The following GPC6 variants were observed in gnomAD, a reference collection of about 807,000 sequenced individuals.
GPC6 encodes glypican-6.
Under a neutral mutation model 55.2 loss-of-function variants are expected in GPC6, and 14 were observed. The observed-to-expected ratio is 0.25, with a 90% CI of 0.17 to 0.40. GPC6 has a LOEUF of 0.40. GPC6 is among the 10% of genes least tolerant of loss of function. GPC6 has a pLI of 1.00. For missense variants in GPC6, 641 were observed against 708.5 expected, an observed-to-expected ratio of 0.90 and a Z score of 1.08; for synonymous variants, 278 against 259.6, an observed-to-expected ratio of 1.07 and a Z score of -0.68.
chr13:93,903,260 C>A (rs1005621019), intron 3 of GPC6, among the ~76,000 whole-genome samples: 2 of 152,224 alleles, frequency 1.3e-5, no homozygotes, highest in African/African-American at 2.4e-5. Flanking sequence ...TTTGACTGTT[C>A]TTTTTCAACG....
At chr13:94,114,565 A>T (rs1886366730) in intron 4 of GPC6, among the ~76,000 whole-genome samples, 1 of 152,134 alleles carries the variant, frequency 6.6e-6, no homozygotes, top group African/African-American at 2.4e-5. Context: ...ACAGAATTTT[A>T]TCTTGTAGGA....
intron 3 of GPC6, among the ~76,000 whole-genome samples, chr13:93,901,362 A>G (rs1352470860): frequency 6.6e-6 from 1 of 151,090 alleles, no homozygotes; most frequent in African/African-American, 2.5e-5. Flanking sequence ...TTTTATTCTT[A>G]TGGCCACACC....
chr13:93,647,860 G>A (rs1880238886), intron 2 of GPC6, among the ~76,000 whole-genome samples: 1 of 152,108 alleles, frequency 6.6e-6, no homozygotes. Context: ...GAGAGACCAT[G>A]TCATGAGTGA....
chr13:94,005,622 A>G (rs1594659971), intron 3 of GPC6, among the ~76,000 whole-genome samples: 1 of 152,226 alleles, frequency 6.6e-6, no homozygotes, highest in Admixed American at 6.5e-5. Flanking sequence ...CAACAAGCCA[A>G]TTTAGTTCCT....
intron 1 of GPC6, among the ~76,000 whole-genome samples, chr13:93,368,394 T>TTCCTTCCG (rs1881337961): frequency 3.7e-5 from 5 of 136,806 alleles, no homozygotes; most frequent in African/African-American, 9.0e-5. Flanking sequence ...CCTTCCGTCC[T>TTCCTTCCG]TCCTTCCTTC....
chr13:94,337,454 T>TC (rs1361970068), intron 6 of GPC6, among the ~76,000 whole-genome samples: 2 of 151,862 alleles, frequency 1.3e-5, no homozygotes, highest in African/African-American at 4.8e-5. Flanking sequence ...TTTCTTTTTT[T>TC]TTTCCTTTTT....
chr13:93,995,770 A>T (rs1028972362), intron 3 of GPC6, among the ~76,000 whole-genome samples: 1 of 152,158 alleles, frequency 6.6e-6, no homozygotes, highest in African/African-American at 2.4e-5. Flanking sequence ...TTATTCATAA[A>T]CCTCATAAAA....
At chr13:93,513,834 G>T (rs16948894) in intron 1 of GPC6, among the ~76,000 whole-genome samples, 1 of 150,490 alleles carries the variant, frequency 6.6e-6, no homozygotes, top group Non-Finnish European at 1.5e-5. Context: ...CCAAACACCA[G>T]TGGCATGAAA....
chr13:93,596,606 A>AT (rs1555314936), intron 2 of GPC6, among the ~76,000 whole-genome samples: 117 of 54,776 alleles, frequency 2.1e-3, no homozygotes, highest in African/African-American at 7.9e-3. Context: ...TAAATAAATA[A>AT]ATAAATATAT....
intron 2 of GPC6, among the ~76,000 whole-genome samples, chr13:93,561,426 T>TATATATATATATC (rs61094312): frequency 7.0e-6 from 1 of 143,498 alleles, no homozygotes; most frequent in Non-Finnish European, 1.5e-5. Flanking sequence ...TATATATATA[T>TATATATATATATC]TTGTTGCAGT....
At chr13:93,301,201 A>T (rs1261469443) in intron 1 of GPC6, among the ~76,000 whole-genome samples, 1 of 152,202 alleles carries the variant, frequency 6.6e-6, no homozygotes, top group Non-Finnish European at 1.5e-5. Context: ...TGGGAATGCA[A>T]AACTCAGGAT....
At chr13:93,488,119 C>T (rs918216269) in intron 1 of GPC6, among the ~76,000 whole-genome samples, 3 of 152,154 alleles carry the variant, frequency 2.0e-5, no homozygotes, top group African/African-American at 7.2e-5. Context: ...TCCCTCCCCC[C>T]TCCTTTCACC....
chr13:93,273,059 C>T (rs973699908), intron 1 of GPC6, among the ~76,000 whole-genome samples: 13 of 152,212 alleles, frequency 8.5e-5, no homozygotes, highest in Admixed American at 1.3e-4. Context: ...CAACAAAAGC[C>T]GAAATGACCT....
intron 3 of GPC6, among the ~76,000 whole-genome samples, chr13:93,965,383 C>T (rs1200312975): frequency 6.6e-6 from 1 of 151,924 alleles, no homozygotes; most frequent in East Asian, 1.9e-4. Context: ...TGCATTCCAG[C>T]CTGGGTGACA....
At chr13:93,565,172 A>G (rs1007153753) in intron 2 of GPC6, among the ~76,000 whole-genome samples, 1 of 152,028 alleles carries the variant, frequency 6.6e-6, no homozygotes, top group Non-Finnish European at 1.5e-5. Flanking sequence ...TTTAACTTCC[A>G]TGGACCTGTG....
intron 1 of GPC6, among the ~76,000 whole-genome samples, chr13:93,524,927 ATCT>A (rs1356680121): frequency 1.3e-5 from 2 of 152,202 alleles, no homozygotes; most frequent in African/African-American, 2.4e-5. Flanking sequence ...TCTGCGGGAG[ATCT>A]TCTTCAGAAG....
At chr13:93,828,645 G>A (rs1264406511) in intron 2 of GPC6, among the ~76,000 whole-genome samples, 5 of 151,866 alleles carry the variant, frequency 3.3e-5, no homozygotes, top group Admixed American at 6.6e-5. Context: ...TGGTGACCTG[G>A]ACAAAATTAC....
chr13:94,384,312 T>C (rs1158714979), intron 7 of GPC6, among the ~76,000 whole-genome samples: 1 of 152,218 alleles, frequency 6.6e-6, no homozygotes, highest in East Asian at 1.9e-4. Context: ...AATTCAGCTA[T>C]GAATTAACAG....
intron 2 of GPC6, among the ~76,000 whole-genome samples, chr13:93,609,632 T>C (rs1023864376): frequency 6.6e-6 from 1 of 152,164 alleles, no homozygotes; most frequent in Admixed American, 6.5e-5. Flanking sequence ...GCCTGATTGA[T>C]CTCCTAAAAA....
Sources: allele counts gnomAD v4.1 joint callset (sites outside exome capture counted in the v4.1 genomes callset), GRCh38; gene constraint gnomAD v4.1.1; transcripts MANE v1.5; gene names NCBI Gene and HGNC (gene_info 2026-07-23, HGNC 2026-07-21).